The following ZCCHC14 variants were observed in gnomAD, a reference collection of about 807,000 sequenced individuals.
The protein encoded by ZCCHC14 is zinc finger CCHC-type containing 14, also known as zinc finger CCHC domain-containing protein 14.
ZCCHC14 carries 16 observed loss-of-function variants against 85.0 expected under a neutral mutation model. The observed-to-expected ratio is 0.19, with a 90% CI of 0.13 to 0.29. ZCCHC14 has a LOEUF of 0.29. Ranked by LOEUF, ZCCHC14 falls within the 10% of genes least tolerant of loss-of-function variation. ZCCHC14 has a pLI of 1.00. For missense variants in ZCCHC14, 1,303 were observed against 1,443.5 expected, an observed-to-expected ratio of 0.90 and a Z score of 1.58; for synonymous variants, 775 against 630.7, an observed-to-expected ratio of 1.23 and a Z score of -3.43.
chr16:87,462,120 T>TAAA (rs11431342), intron 1 of ZCCHC14, among the ~76,000 whole-genome samples: 34 of 139,524 alleles, frequency 2.4e-4, no homozygotes, highest in Non-Finnish European at 2.8e-4. Flanking sequence ...TCTAAAAAAG[T>TAAA]AAAAAAAAAA....
intron 1 of ZCCHC14, chr16:87,473,632 A>G (rs575853404): frequency 1.3e-5 from 2 of 152,258 alleles, no homozygotes; most frequent in South Asian, 2.1e-4. Flanking sequence ...CACAATAACT[A>G]AACTGCGTTA....
chr16:87,443,683 G>A (rs1910293489), intron 2 of ZCCHC14, among the ~76,000 whole-genome samples: 1 of 152,172 alleles, frequency 6.6e-6, no homozygotes, highest in African/African-American at 2.4e-5. Context: ...GATGCAATGA[G>A]CAGGGATCAC....
rs2150782727 is a variant in ZCCHC14 at position 87,491,227 on chromosome 16, C to A, written c.570+442G>T. On this transcript the variant is annotated intron_variant, in intron 1 of 12. Coordinates refer to ENST00000671377, the MANE Select transcript of ZCCHC14 (RefSeq NM_015144.3). This position sits in a 1 kb window ranked among gnomAD's most constrained non-coding sequence, Gnocchi z 5.9. Reference sequence around the variant, plus strand: ...GCACCGCTCCCGCGGATCCTCGGACCCAGGGCCCCTGCAGCCGCTCCTGCC... The same window carrying A: ...GCACCGCTCCCGCGGATCCTCGGACACAGGGCCCCTGCAGCCGCTCCTGCC... Among the ~76,000 whole-genome samples the A allele has an allele frequency of 6.6e-6, 1 of 152,374 alleles. No homozygotes were observed. The highest frequency in any genetic ancestry group is 2.1e-4 in the South Asian group (1 of 4,830).
intron 1 of ZCCHC14, among the ~76,000 whole-genome samples, chr16:87,486,254 G>T (rs1399546507): frequency 6.6e-6 from 1 of 151,686 alleles, no homozygotes; most frequent in East Asian, 1.9e-4. Context: ...ATCCCAGCAC[G>T]GTCACGCACT....
chr16:87,455,916 C>G (rs1910935251), intron 2 of ZCCHC14, among the ~76,000 whole-genome samples: 1 of 152,306 alleles, frequency 6.6e-6, no homozygotes, highest in South Asian at 2.1e-4. Flanking sequence ...GTTCTGAGCA[C>G]ATTTAAGGTA....
chr16:87,416,889 A>T (rs147848604), intron 8 of ZCCHC14, among the ~76,000 whole-genome samples: 213 of 152,378 alleles, frequency 1.4e-3, no homozygotes, highest in African/African-American at 4.7e-3. Flanking sequence ...TGAAATTTTT[A>T]CATAGATAAA....
chr16:87,477,136 A>AC (rs1380862562), intron 1 of ZCCHC14, among the ~76,000 whole-genome samples: 2 of 143,222 alleles, frequency 1.4e-5, no homozygotes, highest in African/African-American at 2.9e-5. Context: ...AAAAAAAAAA[A>AC]AAAAACAAAA....
chr16:87,423,690 C>T (rs1180163760), intron 4 of ZCCHC14, 120 bp downstream of exon 4: 13 of 1,136,076 alleles, frequency 1.1e-5, no homozygotes, highest in South Asian at 7.3e-5. Flanking sequence ...CAGGAGGCCC[C>T]GCCCTGCGCA....
At position 87,491,027 on chromosome 16, in the gene ZCCHC14, C is replaced by T. The variant is rs1379838397; in HGVS notation, c.570+642G>A. 6.6e-6 allele frequency among the ~76,000 whole-genome samples: 1 copy of T among 152,258 alleles called. No individual in the cohort carries two copies. Among genetic ancestry groups the T allele is most frequent in the Non-Finnish European group, 1.5e-5 (1 of 68,048 alleles). On this transcript the variant is annotated intron_variant, in intron 1 of 12. Coordinates refer to ENST00000671377, the MANE Select transcript of ZCCHC14 (RefSeq NM_015144.3). The surrounding 1 kb of genome is among the most constrained non-coding windows in gnomAD (Gnocchi z 5.9). Reference sequence around the variant, plus strand: ...TCACCGGCGGCTTCTGGCGTGGCCACGGCTCCTTCCTTTTCTGGTAATAAA... The same window carrying T: ...TCACCGGCGGCTTCTGGCGTGGCCATGGCTCCTTCCTTTTCTGGTAATAAA...
Position 87,492,290 on chromosome 16 carries a change from G to A in ZCCHC14, c.-52C>T, listed in dbSNP as rs958816194. 1 of 934,112 alleles carries A rather than the reference G, an allele frequency of 1.1e-6. No homozygotes were observed. The allele number at this position is 934,112 out of a possible 1,614,324, so 57.9% of individuals were successfully genotyped here. A position where few individuals can be genotyped will look rare whatever the true frequency, so the allele number is the denominator to read the frequency against. On this transcript the variant is annotated 5_prime_UTR_variant, in exon 1 of 13. Transcript: ENST00000671377. This position sits in a 1 kb window ranked among gnomAD's most constrained non-coding sequence, Gnocchi z 6.7. ...CGGGGCCGGGGACCGCGCGGGGGCG[G>A]CCGGGGGGCGCCGGGGGCCGCGGCC...
chr16:87,433,235 A>C (rs1567519673), intron 2 of ZCCHC14, 34 bp from the exon 3 acceptor site: 2 of 1,586,488 alleles, frequency 1.3e-6, no homozygotes, highest in South Asian at 2.2e-5. Context: ...AAAATGAAAT[A>C]AGAGCTTGAA....
intron 3 of ZCCHC14, among the ~76,000 whole-genome samples, chr16:87,426,507 G>A (rs1909379423): frequency 6.6e-6 from 1 of 152,230 alleles, no homozygotes; most frequent in African/African-American, 2.4e-5. Context: ...TGCATGCTCA[G>A]GATGTCCTCA....
chr16:87,423,936 C>T, intron 3 of ZCCHC14, 55 bp from the exon 4 acceptor site: 12 of 1,589,570 alleles, frequency 7.5e-6, no homozygotes, highest in Non-Finnish European at 1.0e-5. Context: ...TACTTGGTTC[C>T]CAGCACGTGT....
chr16:87,441,937 A>G (rs1444870236), intron 2 of ZCCHC14, among the ~76,000 whole-genome samples: 1 of 152,122 alleles, frequency 6.6e-6, no homozygotes, highest in Non-Finnish European at 1.5e-5. Context: ...GTGGGGTGAC[A>G]CCTCCTCACT....
intron 2 of ZCCHC14, among the ~76,000 whole-genome samples, chr16:87,442,672 C>G (rs1273569152): frequency 6.6e-6 from 1 of 152,150 alleles, no homozygotes; most frequent in Non-Finnish European, 1.5e-5. Flanking sequence ...ATGAGCTTAT[C>G]CAAACAAGAT....
intron 2 of ZCCHC14, among the ~76,000 whole-genome samples, chr16:87,442,138 C>T (rs1399492642): frequency 1.3e-5 from 2 of 152,162 alleles, no homozygotes; most frequent in South Asian, 2.1e-4. Context: ...TGCGTTCACC[C>T]GGGGGCTGCA....
rs772363707 is a variant in ZCCHC14, at chr16:87,417,533, C to T, written c.1310G>A (p.Gly437Glu). The T allele has an allele frequency of 6.2e-7, 1 of 1,614,224 alleles. No individual in the cohort carries two copies. The highest frequency in any genetic ancestry group is 8.5e-7 in the Non-Finnish European group (1 of 1,180,044). The change falls in exon 8 of 13, where the codon GGG becomes GAG. Residue 437 changes from glycine (G) to glutamate (E), a missense_variant. This residue lies in a region of ZCCHC14 where 10 missense variants were observed against 54.4 expected (regional missense o/e 0.18). Transcript: ENST00000671377. Reference sequence around the variant, plus strand: ...CAGTTTCCTAAGCCAGTCTAGAATCCCATTCTGCTCCTGGGTCTGAGGGGT... The same window carrying T: ...CAGTTTCCTAAGCCAGTCTAGAATCTCATTCTGCTCCTGGGTCTGAGGGGT... ...LQTPQTQEQN[G>E]ILDWLRKLRL...
chr16:87,427,472 G>A (rs187176433), intron 3 of ZCCHC14, among the ~76,000 whole-genome samples: 4 of 152,194 alleles, frequency 2.6e-5, no homozygotes, highest in Admixed American at 1.3e-4. Context: ...GCAGTGGCGC[G>A]ATCTCAGCTC....
chr16:87,419,885 G>T lies in ZCCHC14; in HGVS notation c.951-8C>A. Reference sequence around the variant, plus strand: ...GGTAATGAGGCCAGGTACCTAAAAGGCAAACAAGTGGTCTTATCAACATTA... The same window carrying T: ...GGTAATGAGGCCAGGTACCTAAAAGTCAAACAAGTGGTCTTATCAACATTA... On this transcript the variant is annotated splice_polypyrimidine_tract_variant and splice_region_variant and intron_variant, in intron 5 of 12. Transcript: ENST00000671377. 1.9e-6 allele frequency: 3 copies of T among 1,598,850 alleles called. No homozygotes were observed. The highest frequency in any genetic ancestry group is 2.6e-6 in the Non-Finnish European group (3 of 1,174,668).
Sources: gnomAD v4.1 joint callset for allele counts (sites outside exome capture counted in the v4.1 genomes callset) on GRCh38, gnomAD v4.1.1 for gene constraint, gnomAD v4.1.1 regional missense constraint, Gnocchi (gnomAD v3.1) non-coding constraint, MANE v1.5 for transcripts, NCBI Gene and HGNC (gene_info 2026-07-23, HGNC 2026-07-21) for gene names.